SCGN: variants seen among roughly 807,000 people sequenced by gnomAD.
SCGN encodes the protein secretagogin.
SCGN carries 30 observed loss-of-function variants against 39.7 expected under a neutral mutation model. The ratio of observed to expected loss-of-function variants is 0.76; its 90% CI spans 0.57 to 1.03. The LOEUF (loss-of-function observed/expected upper bound fraction) is 1.03, where lower values mean the gene tolerates loss of function less well. Among genes scored for constraint, SCGN ranks in the 50% least tolerant of loss-of-function variants. SCGN has a pLI of 0.00. For missense variants in SCGN, 353 were observed against 349.4 expected (o/e 1.01, Z -0.08); for synonymous variants, 106 against 114.1 (o/e 0.93, Z 0.45).
intron 7 of SCGN, among the ~76,000 whole-genome samples, chr6:25,682,382 C>G (rs966611999): frequency 2.3e-3 from 112 of 49,660 alleles, no homozygotes; most frequent in African/African-American, 0.011. Flanking sequence ...CAGGACTACT[C>G]AGCCGACTCC....
At chr6:25,699,589 C>CAAAAAAAAAA (rs35915067) in intron 10 of SCGN, among the ~76,000 whole-genome samples, 4 of 53,816 alleles carry the variant, frequency 7.4e-5, no homozygotes, top group East Asian at 6.3e-4. Flanking sequence ...AACTCTGTCT[C>CAAAAAAAAAA]AAAAAAAAAA....
chr6:25,689,366 T>TA (rs1759747727), intron 8 of SCGN, 107 bp from the exon 9 acceptor site: 1 of 1,206,434 alleles, frequency 8.3e-7, no homozygotes. Context: ...CAAGGGATCT[T>TA]AAAGGTCATT....
chr6:25,674,926 CT>C (rs1759545717), intron 6 of SCGN, among the ~76,000 whole-genome samples: 1 of 152,066 alleles, frequency 6.6e-6, no homozygotes, highest in Non-Finnish European at 1.5e-5. Context: ...TAAATTTAAG[CT>C]AATAATTCTG....
intron 4 of SCGN, among the ~76,000 whole-genome samples, chr6:25,667,398 T>A (rs2151378616): frequency 6.6e-6 from 1 of 152,354 alleles, no homozygotes; most frequent in African/African-American, 2.4e-5. Flanking sequence ...TAAAATTAAC[T>A]GTCTTATATC....
chr6:25,659,808 C>T (rs564499180), intron 2 of SCGN, among the ~76,000 whole-genome samples: 3 of 152,060 alleles, frequency 2.0e-5, no homozygotes, highest in South Asian at 2.1e-4. Flanking sequence ...TGTTTTAGGA[C>T]GTTTTGTTCT....
intron 7 of SCGN, among the ~76,000 whole-genome samples, chr6:25,687,884 C>T (rs1759725660): frequency 6.6e-6 from 1 of 152,006 alleles, no homozygotes; most frequent in African/African-American, 2.4e-5. Flanking sequence ...TGGTTGTCTG[C>T]TAGATTACAA....
At chr6:25,652,884 C>T (rs1019553700) in intron 1 of SCGN, among the ~76,000 whole-genome samples, 40 of 152,250 alleles carry the variant, frequency 2.6e-4, no homozygotes, top group African/African-American at 9.6e-4. Context: ...CTGTACACCC[C>T]TCACTCTCTC....
intron 4 of SCGN, among the ~76,000 whole-genome samples, chr6:25,665,758 A>G (rs1760413403): frequency 1.3e-5 from 2 of 152,258 alleles, no homozygotes; most frequent in South Asian, 4.1e-4. Flanking sequence ...AAAGTTTTGC[A>G]TAGGCAATTC....
intron 10 of SCGN, among the ~76,000 whole-genome samples, chr6:25,692,878 G>T (rs1308977606): frequency 6.6e-6 from 1 of 152,096 alleles, no homozygotes; most frequent in Non-Finnish European, 1.5e-5. Flanking sequence ...ACTATGAAAA[G>T]AACTGATTGG....
chr6:25,669,688 C>A, intron 5 of SCGN, 121 bp downstream of exon 5: 1 of 802,894 alleles, frequency 1.2e-6, no homozygotes, highest in Non-Finnish European at 2.1e-6. Flanking sequence ...TCAAAAAATA[C>A]ATACATATGT....
chr6:25,669,105 C>T (rs1253161773), intron 4 of SCGN, among the ~76,000 whole-genome samples: 42 of 80,748 alleles, frequency 5.2e-4, no homozygotes, highest in African/African-American at 2.2e-3. Context: ...AGCGAGACTC[C>T]GTCTCAAAAA....
chr6:25,677,209 C>G (rs1759575935), intron 6 of SCGN, among the ~76,000 whole-genome samples: 1 of 152,176 alleles, frequency 6.6e-6, no homozygotes, highest in African/African-American at 2.4e-5. Flanking sequence ...ATTCTTATCT[C>G]CTTCCTCAGT....
rs529163656 is a variant in SCGN at position 25,683,716 on chromosome 6, G to C, written c.527+1710G>C. Among the ~76,000 whole-genome samples, 126 of 152,346 alleles carry C rather than the reference G, an allele frequency of 8.3e-4. 3 individuals are homozygous for C. Among genetic ancestry groups the C allele is most frequent in the Admixed American group, 5.9e-3 (91 of 15,308 alleles). ...GGGTAGAATTATCATAAATGGGGCAGCTCAGATGCCGACTGATACAATTGT... is the reference window on the plus strand; with the variant it reads ...GGGTAGAATTATCATAAATGGGGCACCTCAGATGCCGACTGATACAATTGT... On this transcript the variant is annotated intron_variant, in intron 7 of 10. Coordinates refer to ENST00000377961, the MANE Select transcript of SCGN (RefSeq NM_006998.4).
chr6:25,701,116 A>T (rs1267815962), intron 10 of SCGN, 91 bp from the exon 11 acceptor site: 4 of 1,405,540 alleles, frequency 2.8e-6, no homozygotes, highest in Non-Finnish European at 3.8e-6. Flanking sequence ...TCAAGGCAGG[A>T]CACCCTAAGC....
intron 7 of SCGN, among the ~76,000 whole-genome samples, chr6:25,683,557 C>T (rs1759665152): frequency 6.6e-6 from 1 of 152,316 alleles, no homozygotes; most frequent in Admixed American, 6.5e-5. Context: ...TAACTAACAT[C>T]ATGCACAGAC....
chr6:25,678,180 A>G (rs1759590135), intron 6 of SCGN, among the ~76,000 whole-genome samples: 1 of 151,986 alleles, frequency 6.6e-6, no homozygotes, highest in Non-Finnish European at 1.5e-5. Flanking sequence ...GTGTGGATGG[A>G]GTATGGAGTA....
At chr6:25,672,297 A>T (rs1399599394) in intron 6 of SCGN, among the ~76,000 whole-genome samples, 1 of 152,238 alleles carries the variant, frequency 6.6e-6, no homozygotes, top group East Asian at 1.9e-4. Context: ...AACAGTGAGC[A>T]AAATAGACAA....
intron 10 of SCGN, among the ~76,000 whole-genome samples, chr6:25,700,711 T>G (rs1474868313): frequency 6.6e-6 from 1 of 152,204 alleles, no homozygotes; most frequent in Non-Finnish European, 1.5e-5. Context: ...CTAGCTAACA[T>G]TCTTTCTTGC....
chr6:25,680,207 T>C (rs1291105287), intron 6 of SCGN, among the ~76,000 whole-genome samples: 1 of 152,234 alleles, frequency 6.6e-6, no homozygotes, highest in Non-Finnish European at 1.5e-5. Context: ...CTAAAGGTTA[T>C]ACTTGCAAAG....
Sources: allele counts gnomAD v4.1 joint callset (sites outside exome capture counted in the v4.1 genomes callset), GRCh38; gene constraint gnomAD v4.1.1; transcripts MANE v1.5; gene names NCBI Gene and HGNC (gene_info 2026-07-23, HGNC 2026-07-21).